HMCN1: variants seen among roughly 807,000 people sequenced by gnomAD.
The protein encoded by HMCN1 is hemicentin 1.
In HMCN1, 321 loss-of-function variants were observed where a neutral mutation model predicts 625.9. That is an observed-to-expected ratio of 0.51 (90% confidence interval 0.47 to 0.56). The LOEUF (loss-of-function observed/expected upper bound fraction) is 0.56. Ranked by LOEUF, HMCN1 falls within the 20% of genes least tolerant of loss-of-function variation. HMCN1 has a pLI of 0.00. For missense variants in HMCN1, 6,588 were observed against 6,887.3 expected, an observed-to-expected ratio of 0.96 and a Z score of 1.54; for synonymous variants, 2,425 against 2,417.6, an observed-to-expected ratio of 1.00 and a Z score of -0.09.
At chr1:185,784,832 C>T (rs761633154) in intron 1 of HMCN1, among the ~76,000 whole-genome samples, 16 of 152,184 alleles carry the variant, frequency 1.1e-4, no homozygotes, top group African/African-American at 2.4e-4. Flanking sequence ...TTGACAAATG[C>T]GTCTACCATG....
Position 185,923,641 on chromosome 1 carries a change from A to G in HMCN1, c.1273A>G (p.Ser425Gly), listed in dbSNP as rs766038716. 3 of 1,603,388 alleles carry G rather than the reference A, an allele frequency of 1.9e-6. No individual in the cohort carries two copies. The highest frequency in any genetic ancestry group is 1.7e-6 in the Non-Finnish European group (2 of 1,176,432). ...FQRVSSVSFSSIVPDAPKVTM... is the reference protein window; with the variant it reads ...FQRVSSVSFSGIVPDAPKVTM... ...GAGAGTATCAAGTGTTTCCTTTTCT[A>G]GTATTGTCCCAGGTGAGACATCATT... The change falls in exon 8 of 107, where the codon AGT becomes GGT. Residue 425 changes from serine to glycine, a missense_variant. By Grantham distance (56) the Ser-to-Gly change is moderately conservative. Transcript: ENST00000271588.
At chr1:186,080,149 AAATC>A (rs1395066244) in intron 55 of HMCN1, among the ~76,000 whole-genome samples, 1 of 152,248 alleles carries the variant, frequency 6.6e-6, no homozygotes, top group Non-Finnish European at 1.5e-5. Flanking sequence ...AAGTATAATA[AAATC>A]AATCACGTAG....
At chr1:186,129,240 A>T (rs1346530964) in intron 83 of HMCN1, among the ~76,000 whole-genome samples, 3 of 151,650 alleles carry the variant, frequency 2.0e-5, no homozygotes, top group African/African-American at 7.3e-5. Context: ...ATGCAAGGTA[A>T]ACATACGTAT....
intron 36 of HMCN1, among the ~76,000 whole-genome samples, chr1:186,033,861 T>C (rs1655646301): frequency 6.6e-6 from 1 of 152,190 alleles, no homozygotes; most frequent in African/African-American, 2.4e-5. Context: ...CATATCCTTC[T>C]CTCCTCATGG....
At chr1:185,928,805 A>T in intron 10 of HMCN1, 138 bp downstream of exon 10, 4 of 955,458 alleles carry the variant, frequency 4.2e-6, no homozygotes, top group South Asian at 1.3e-5. Context: ...TGAATTGAGA[A>T]CTCAAATCCT....
intron 5 of HMCN1, 149 bp from the exon 6 acceptor site, chr1:185,911,525 T>G: frequency 1.4e-6 from 1 of 725,234 alleles, no homozygotes; most frequent in Admixed American, 1.9e-5. Context: ...TAAAGACTCT[T>G]TGGGTTAGTT....
At chr1:186,171,889 T>C in intron 101 of HMCN1, 117 bp from the exon 102 acceptor site, 2 of 856,422 alleles carry the variant, frequency 2.3e-6, no homozygotes, top group African/African-American at 1.7e-5. Context: ...CCTTACACAA[T>C]GATTATGCAA....
intron 1 of HMCN1, among the ~76,000 whole-genome samples, chr1:185,749,687 A>C (rs959163963): frequency 1.3e-5 from 2 of 152,052 alleles, no homozygotes; most frequent in Non-Finnish European, 2.9e-5. Context: ...ACCAGTTCTC[A>C]TCTCCCTCTA....
intron 1 of HMCN1, among the ~76,000 whole-genome samples, chr1:185,740,626 G>A (rs913281206): frequency 6.8e-6 from 1 of 146,262 alleles, no homozygotes; most frequent in Non-Finnish European, 1.5e-5. Context: ...TCCCTTGAGG[G>A]CAAGTTCTTG....
intron 52 of HMCN1, among the ~76,000 whole-genome samples, chr1:186,074,379 TA>T (rs1658665998): frequency 0.031 from 1 of 32 alleles, no homozygotes; most frequent in East Asian, 0.5. Context: ...TACAAAATTA[TA>T]AAAGACTGCT....
chr1:186,043,765 T>A (rs1656365454), intron 40 of HMCN1, among the ~76,000 whole-genome samples: 1 of 152,162 alleles, frequency 6.6e-6, no homozygotes, highest in Non-Finnish European at 1.5e-5. Context: ...TTTCATGGCA[T>A]CTTTAGAAAG....
At chr1:186,111,031 C>A (rs1306327545) in intron 71 of HMCN1, among the ~76,000 whole-genome samples, 34 of 124,378 alleles carry the variant, frequency 2.7e-4, no homozygotes, top group African/African-American at 9.6e-4. Context: ...CCCAGGTTGG[C>A]ATGCAGTGGC....
In HMCN1 at chr1:186,152,743, T is replaced by C; in HGVS notation, c.14897-7T>C. The C allele has an allele frequency of 1.2e-6, 2 of 1,613,740 alleles. No homozygotes were observed. The highest frequency in any genetic ancestry group is 1.7e-6 in the Non-Finnish European group (2 of 1,179,662). ...TGCTGTCAAAATGAATGTCTTGTAATTCCCAGGAGAAATCTTGCAGATGAG... is the reference window on the plus strand; with the variant it reads ...TGCTGTCAAAATGAATGTCTTGTAACTCCCAGGAGAAATCTTGCAGATGAG... On this transcript the variant is annotated splice_polypyrimidine_tract_variant and splice_region_variant and intron_variant, in intron 95 of 106. Coordinates refer to ENST00000271588, the MANE Select transcript of HMCN1 (RefSeq NM_031935.3).
Position 185,881,703 on chromosome 1 carries a change from T to A in HMCN1, c.621+15840T>A, listed in dbSNP as rs542296488. 2.6e-5 allele frequency among the ~76,000 whole-genome samples: 4 copies of A among 152,302 alleles called. No individual in the cohort carries two copies. In the South Asian group the frequency reaches 8.3e-4, roughly 32 times the overall value. ...GTGTCCATCATTTTTATTAGAAATGTAGAACAAGACATAATGCTGAACATA... is the reference window on the plus strand; with the variant it reads ...GTGTCCATCATTTTTATTAGAAATGAAGAACAAGACATAATGCTGAACATA... On this transcript the variant is annotated intron_variant, in intron 4 of 106. Transcript: ENST00000271588.
intron 10 of HMCN1, among the ~76,000 whole-genome samples, chr1:185,931,665 G>C (rs139462524): frequency 1.3e-5 from 2 of 152,104 alleles, no homozygotes; most frequent in African/African-American, 2.4e-5. Context: ...GGAAGAAGAG[G>C]AACTGTGCTA....
chr1:185,777,722 G>A (rs1266066655), intron 1 of HMCN1, among the ~76,000 whole-genome samples: 3 of 152,198 alleles, frequency 2.0e-5, no homozygotes, highest in Admixed American at 1.3e-4. Context: ...TGGGATTACA[G>A]GCATGAGCCA....
At chr1:185,740,127 C>T (rs1257913547) in intron 1 of HMCN1, among the ~76,000 whole-genome samples, 3 of 152,144 alleles carry the variant, frequency 2.0e-5, no homozygotes, top group Non-Finnish European at 2.9e-5. Flanking sequence ...CAGGAAAGGG[C>T]TCGTAGTCCA....
At chr1:186,024,207 A>T (rs1052749283) in intron 36 of HMCN1, among the ~76,000 whole-genome samples, 2 of 152,146 alleles carry the variant, frequency 1.3e-5, no homozygotes, top group Non-Finnish European at 2.9e-5. Flanking sequence ...GAATATCTGA[A>T]TGTAACCATT....
intron 1 of HMCN1, among the ~76,000 whole-genome samples, chr1:185,766,313 G>A (rs1265392758): frequency 6.6e-6 from 1 of 152,068 alleles, no homozygotes; most frequent in Non-Finnish European, 1.5e-5. Context: ...AGAGACTGGG[G>A]GAATGCTGAA....
Sources: gnomAD v4.1 joint callset for allele counts (sites outside exome capture counted in the v4.1 genomes callset) on GRCh38, gnomAD v4.1.1 for gene constraint, MANE v1.5 for transcripts, NCBI Gene and HGNC (gene_info 2026-07-23, HGNC 2026-07-21) for gene names.